The following TRIM58 variants were observed in gnomAD, a reference collection of about 807,000 sequenced individuals.
TRIM58 encodes tripartite motif containing 58.
A neutral mutation model predicts 34.1 loss-of-function variants in TRIM58; 38 were observed. The ratio of observed to expected loss-of-function variants is 1.12; its 90% CI spans 0.86 to 1.46. The LOEUF (loss-of-function observed/expected upper bound fraction) is 1.46. Ranked by LOEUF, TRIM58 falls within the 40% of genes most tolerant of loss-of-function variation. TRIM58 has a pLI of 0.00. For synonymous variants in TRIM58, 273 were observed against 275.7 expected, an observed-to-expected ratio of 0.99 and a Z score of 0.10; for missense variants, 677 against 642.0, an observed-to-expected ratio of 1.05 and a Z score of -0.59.
chr1:247,864,586 C>A, intron 2 of TRIM58, 119 bp from the exon 3 acceptor site: 1 of 980,042 alleles, frequency 1.0e-6, no homozygotes. Flanking sequence ...AGGATGCAAC[C>A]AGTGAGTCCA....
intron 2 of TRIM58, among the ~76,000 whole-genome samples, chr1:247,861,015 A>C (rs949227370): frequency 1.3e-5 from 2 of 152,204 alleles, no homozygotes; most frequent in Non-Finnish European, 2.9e-5. Context: ...TACTGTTGCT[A>C]CCAGTTTGAA....
At chr1:247,863,977 C>G (rs1204949322) in intron 2 of TRIM58, among the ~76,000 whole-genome samples, 1 of 152,168 alleles carries the variant, frequency 6.6e-6, no homozygotes, top group East Asian at 1.9e-4. Context: ...TTTCTCATCT[C>G]TCAGCCTTTT....
At chr1:247,863,796 G>A (rs890705838) in intron 2 of TRIM58, among the ~76,000 whole-genome samples, 3 of 152,144 alleles carry the variant, frequency 2.0e-5, no homozygotes, top group African/African-American at 7.2e-5. Flanking sequence ...TGTTCCTTAG[G>A]TCTATTCAGA....
intron 5 of TRIM58, among the ~76,000 whole-genome samples, chr1:247,871,617 A>G (rs2103332566): frequency 6.6e-6 from 1 of 152,328 alleles, no homozygotes; most frequent in Non-Finnish European, 1.5e-5. Context: ...TGTATGCTAA[A>G]TGCCCAACTT....
rs373903417 is a variant in TRIM58 at position 247,857,962 on chromosome 1, C to T, written c.420+296C>T. ...TTTCTCCCGATGCGGATAGTCTGGT[C>T]CCTCAGCTGGGCTCTGGTCGGGAGG... On this transcript the variant is annotated intron_variant, in intron 1 of 5. Transcript: ENST00000366481. Among the ~76,000 whole-genome samples, 4 of 152,230 alleles carry T rather than the reference C, an allele frequency of 2.6e-5. No individual in the cohort carries two copies. In the East Asian group the frequency reaches 7.7e-4, roughly 29 times the overall value.
chr1:247,864,881 G>A lies in TRIM58; in HGVS notation c.693G>A (p.Glu231=). 6.2e-7 allele frequency: 1 copy of A among 1,608,272 alleles called. No individual in the cohort carries two copies. The change falls in exon 3 of 6, where the codon GAG becomes GAA. Residue 231 remains glutamate, a synonymous_variant. Transcript: ENST00000366481. ...RLVQQSKALK[E]LADELQERCQ... Reference sequence around the variant, plus strand: ...TCCAGCAGAGCAAGGCCCTGAAGGAGCTGGCGGATGAGCTGCAGGAGAGGT... The same window carrying A: ...TCCAGCAGAGCAAGGCCCTGAAGGAACTGGCGGATGAGCTGCAGGAGAGGT...
At chr1:247,864,243 A>G (rs1428468142) in intron 2 of TRIM58, among the ~76,000 whole-genome samples, 1 of 152,060 alleles carries the variant, frequency 6.6e-6, no homozygotes, top group Non-Finnish European at 1.5e-5. Context: ...CTCTTAGACA[A>G]GTGATCCTCC....
chr1:247,876,108 AG>A lies in TRIM58; in HGVS notation c.1084del (p.Val362SerfsTer26), dbSNP rs1446638723. On this transcript the variant is annotated frameshift_variant, in exon 6 of 6. Transcript: ENST00000366481. LOFTEE classifies it low-confidence loss of function (END_TRUNC). ...TGGGAGAAGGAGCAGAGTGGGGTTT[AG>A]GGGTCTGTCAAGACACACTGCCAAG... is the stretch of plus-strand genomic sequence containing the variant. ...LVGEGAEWGL[G>X]VCQDTLPRKG... 1 of 1,614,138 alleles carries A rather than the reference AG, an allele frequency of 6.2e-7. No homozygotes were observed.
chr1:247,861,501 G>T (rs1210630784), intron 2 of TRIM58, among the ~76,000 whole-genome samples: 1 of 152,134 alleles, frequency 6.6e-6, no homozygotes, highest in African/African-American at 2.4e-5. Flanking sequence ...GATGTCAGTA[G>T]TGTCAAGATT....
chr1:247,863,596 A>G (rs922959113), intron 2 of TRIM58, among the ~76,000 whole-genome samples: 2 of 152,130 alleles, frequency 1.3e-5, no homozygotes, highest in Admixed American at 6.6e-5. Flanking sequence ...CCGTATAACA[A>G]TGTAACAAAA....
At chr1:247,861,213 A>G (rs754886019) in intron 2 of TRIM58, among the ~76,000 whole-genome samples, 4 of 152,014 alleles carry the variant, frequency 2.6e-5, no homozygotes, top group Non-Finnish European at 4.4e-5. Flanking sequence ...TGTTTCATTC[A>G]TGCACATGTG....
At position 247,877,594 on chromosome 1, in the gene TRIM58, A is replaced by G. The variant is rs1659319596; in HGVS notation, c.*1105A>G. On this transcript the variant is annotated 3_prime_UTR_variant, in exon 6 of 6. Transcript: ENST00000366481. Reference sequence around the variant, plus strand: ...CATCTCAAAAAAGAAAAAAGACCTCAAACAACACTTCTCTCTCTCTTTTAG... The same window carrying G: ...CATCTCAAAAAAGAAAAAAGACCTCGAACAACACTTCTCTCTCTCTTTTAG... The G allele has an allele frequency of 6.6e-6, 1 of 151,972 alleles. No individual in the cohort carries two copies. Among genetic ancestry groups the G allele is most frequent in the Non-Finnish European group, 1.5e-5 (1 of 68,004 alleles). 9.4% of individuals were successfully genotyped at this position (151,972 alleles called of 1,614,324 possible).
intron 1 of TRIM58, 86 bp downstream of exon 1, chr1:247,857,752 G>C: frequency 2.5e-6 from 3 of 1,194,842 alleles, no homozygotes; most frequent in Non-Finnish European, 3.1e-6. Context: ...GAGGCCACCC[G>C]TCTCCTGAGC....
chr1:247,857,655 G>C lies in TRIM58; in HGVS notation c.409G>C (p.Gly137Arg). ...HRTAPLQEAAGSYQVKLQMAL... is the reference protein window; with the variant it reads ...HRTAPLQEAARSYQVKLQMAL... ...CACGGCGCCGCTGCAGGAGGCCGCCGGCAGCTACCAGGTGAGGCGCCCCCC... is the reference window on the plus strand; with the variant it reads ...CACGGCGCCGCTGCAGGAGGCCGCCCGCAGCTACCAGGTGAGGCGCCCCCC... Residue 137 changes from glycine (G) to arginine (R), a missense_variant, in exon 1 of 6, where the codon GGC becomes CGC. Physicochemically the swap from Gly to Arg is moderately radical, Grantham distance 125. Coordinates refer to ENST00000366481, the MANE Select transcript of TRIM58 (RefSeq NM_015431.4). 1 of 1,232,164 alleles carries C rather than the reference G, an allele frequency of 8.1e-7. No homozygotes were observed. The highest frequency in any genetic ancestry group is 1.0e-6 in the Non-Finnish European group (1 of 988,026). 76.3% of individuals were successfully genotyped at this position (1,232,164 alleles called of 1,614,324 possible). A position where few individuals can be genotyped will look rare whatever the true frequency, so the allele number is the denominator to read the frequency against.
At chr1:247,865,941 ACTGT>A (rs1402922686) in intron 3 of TRIM58, among the ~76,000 whole-genome samples, 2 of 152,198 alleles carry the variant, frequency 1.3e-5, no homozygotes, top group African/African-American at 4.8e-5. Context: ...AATCCTATTA[ACTGT>A]CTGTATAATA....
chr1:247,857,351 C>T lies in TRIM58; in HGVS notation c.105C>T (p.Phe35=). 1 of 1,515,672 alleles carries T rather than the reference C, an allele frequency of 6.6e-7. No individual in the cohort carries two copies. Among genetic ancestry groups the T allele is most frequent in the South Asian group, 1.3e-5 (1 of 78,652 alleles). 93.9% of individuals were successfully genotyped at this position (1,515,672 alleles called of 1,614,324 possible). The change falls in exon 1 of 6, where the codon TTC becomes TTT. Residue 35 remains phenylalanine, a synonymous_variant. Coordinates refer to ENST00000366481, the MANE Select transcript of TRIM58 (RefSeq NM_015431.4). ...EPVSVDCGHS[F]CLRCISEFCE... ...TCAGCGTGGACTGCGGCCACAGCTT[C>T]TGCCTCAGGTGCATCTCCGAGTTCT...
At chr1:247,873,718 A>C (rs939251862) in intron 5 of TRIM58, among the ~76,000 whole-genome samples, 7 of 152,172 alleles carry the variant, frequency 4.6e-5, no homozygotes, top group African/African-American at 1.7e-4. Flanking sequence ...CTGTAATCCC[A>C]ACATTTTGGG....
In TRIM58 at chr1:247,876,061, A is replaced by C; in HGVS notation, c.1033A>C (p.Arg345=). 6.2e-7 allele frequency: 1 copy of C among 1,614,138 alleles called. No homozygotes were observed. Residue 345 remains arginine, a synonymous_variant, in exon 6 of 6, where the codon AGG becomes CGG. Transcript: ENST00000366481. ...ILGLQSFSSG[R]HYWEVLVGEG... ...GGGTTTGCAGAGCTTCTCATCAGGG[A>C]GGCATTACTGGGAGGTTCTGGTGGG...
chr1:247,866,260 T>C (rs1663919121), intron 3 of TRIM58, among the ~76,000 whole-genome samples: 2 of 152,134 alleles, frequency 1.3e-5, no homozygotes, highest in Non-Finnish European at 2.9e-5. Flanking sequence ...CACTGCAACC[T>C]CTGTCTCCTT....
Sources: gnomAD v4.1 joint callset for allele counts (sites outside exome capture counted in the v4.1 genomes callset) on GRCh38, gnomAD v4.1.1 for gene constraint, MANE v1.5 for transcripts, NCBI Gene and HGNC (gene_info 2026-07-23, HGNC 2026-07-21) for gene names.